The following CFTR variants were observed in gnomAD, a reference collection of about 807,000 sequenced individuals.
CFTR encodes the protein cystic fibrosis transmembrane conductance regulator.
In CFTR, 181 loss-of-function variants were observed where a neutral mutation model predicts 171.6. The ratio of observed to expected loss-of-function variants is 1.05; its 90% CI spans 0.93 to 1.19. CFTR has a LOEUF of 1.19. Ranked by LOEUF, CFTR falls within the 50% of genes most tolerant of loss-of-function variation. The pLI is 0.00. For missense variants in CFTR, 1,968 were observed against 1,734.7 expected, an observed-to-expected ratio of 1.13 and a Z score of -2.39; for synonymous variants, 583 against 608.0, an observed-to-expected ratio of 0.96 and a Z score of 0.60.
Position 117,559,713 on chromosome 7 carries a change from A to T in CFTR, c.1584+58A>T. On this transcript the variant is annotated intron_variant, in intron 11 of 26. Transcript: ENST00000003084. ...CATATGAACCCTTCACACTACCCAA[A>T]TTATATATTTGGCTCCATATTCAAT... is the stretch of plus-strand genomic sequence containing the variant. 4 of 1,177,272 alleles carry T rather than the reference A, an allele frequency of 3.4e-6. No homozygotes were observed. The South Asian group carries it at 4.9e-5, about 15-fold the overall frequency. 72.9% of individuals were successfully genotyped at this position (1,177,272 alleles called of 1,614,324 possible).
At chr7:117,571,959 G>A (rs573694324) in intron 11 of CFTR, among the ~76,000 whole-genome samples, 8 of 151,888 alleles carry the variant, frequency 5.3e-5, no homozygotes, top group Non-Finnish European at 1.2e-4. Flanking sequence ...TATATATTTG[G>A]TCAGTTCCTA....
At chr7:117,579,815 A>T (rs527950422) in intron 11 of CFTR, among the ~76,000 whole-genome samples, 5 of 151,884 alleles carry the variant, frequency 3.3e-5, no homozygotes, top group East Asian at 1.9e-4. Flanking sequence ...TGCTAAATGA[A>T]TTCAGTATAA....
intron 10 of CFTR, among the ~76,000 whole-genome samples, chr7:117,558,954 ACTATCAT>A (rs1799407488): frequency 6.6e-6 from 1 of 152,138 alleles, no homozygotes; most frequent in Non-Finnish European, 1.5e-5. Flanking sequence ...GTCCTTTTGT[ACTATCAT>A]CTCTTAAATG....
At chr7:117,640,749 A>G (rs1176131228) in intron 22 of CFTR, among the ~76,000 whole-genome samples, 2 of 152,158 alleles carry the variant, frequency 1.3e-5, no homozygotes, top group East Asian at 3.8e-4. Context: ...ATTCCACAAT[A>G]TTTTAAAATT....
intron 15 of CFTR, among the ~76,000 whole-genome samples, chr7:117,596,971 C>T (rs891463169): frequency 5.3e-5 from 8 of 152,124 alleles, no homozygotes; most frequent in African/African-American, 1.2e-4. Context: ...CCTGTCAAAA[C>T]GGACCAATCA....
At chr7:117,502,821 A>G (rs2116633284) in intron 1 of CFTR, among the ~76,000 whole-genome samples, 1 of 152,376 alleles carries the variant, frequency 6.6e-6, no homozygotes, top group African/African-American at 2.4e-5. Flanking sequence ...AAATGCGGAT[A>G]TTGCAAATTA....
At chr7:117,510,886 G>T (rs181580129) in intron 3 of CFTR, among the ~76,000 whole-genome samples, 1 of 151,996 alleles carries the variant, frequency 6.6e-6, no homozygotes, top group East Asian at 1.9e-4. Context: ...TAACTCCATG[G>T]AGCAAAAATT....
At chr7:117,492,636 C>G (rs562664202) in intron 1 of CFTR, among the ~76,000 whole-genome samples, 1 of 152,020 alleles carries the variant, frequency 6.6e-6, no homozygotes, top group African/African-American at 2.4e-5. Flanking sequence ...ATGCTGGGCA[C>G]AGGGGATACA....
chr7:117,591,236 T>G (rs1792018954), intron 13 of CFTR, among the ~76,000 whole-genome samples: 1 of 152,138 alleles, frequency 6.6e-6, no homozygotes, highest in Non-Finnish European at 1.5e-5. Context: ...CAATATAAAC[T>G]TTACTACATT....
intron 1 of CFTR, among the ~76,000 whole-genome samples, chr7:117,488,092 A>G (rs1159545425): frequency 6.6e-6 from 1 of 152,154 alleles, no homozygotes; most frequent in African/African-American, 2.4e-5. Context: ...GACCATTGCT[A>G]TACTTTTTTG....
chr7:117,514,204 C>G (rs1315834926), intron 3 of CFTR, among the ~76,000 whole-genome samples: 1 of 151,514 alleles, frequency 6.6e-6, no homozygotes, highest in African/African-American at 2.4e-5. Flanking sequence ...AAAAAAAAAT[C>G]CAACAACGAG....
chr7:117,658,727 A>C (rs1793219710), intron 24 of CFTR, among the ~76,000 whole-genome samples: 1 of 152,074 alleles, frequency 6.6e-6, no homozygotes, highest in Admixed American at 6.6e-5. Flanking sequence ...CCCACATGTC[A>C]CATCCTGTCA....
In CFTR at chr7:117,652,831, T is replaced by G; in HGVS notation, c.3874-11T>G. 7.7e-7 allele frequency: 1 copy of G among 1,298,028 alleles called. No homozygotes were observed. Among genetic ancestry groups the G allele is most frequent in the Non-Finnish European group, 1.1e-6 (1 of 897,184 alleles). 80.4% of individuals were successfully genotyped at this position (1,298,028 alleles called of 1,614,324 possible). On this transcript the variant is annotated splice_polypyrimidine_tract_variant and intron_variant, in intron 23 of 26. Transcript: ENST00000003084. Reference sequence around the variant, plus strand: ...ATTCATACTTTCTTCTTCTTTTCTTTTTTGCTATAGAAAGTATTTATTTTT... The same window carrying G: ...ATTCATACTTTCTTCTTCTTTTCTTGTTTGCTATAGAAAGTATTTATTTTT...
chr7:117,514,249 G>T (rs1477136450), intron 3 of CFTR, among the ~76,000 whole-genome samples: 1 of 151,544 alleles, frequency 6.6e-6, no homozygotes. Flanking sequence ...TGTTACATAG[G>T]TATAATGTGC....
At chr7:117,570,616 C>T (rs1791674857) in intron 11 of CFTR, among the ~76,000 whole-genome samples, 1 of 152,100 alleles carries the variant, frequency 6.6e-6, no homozygotes, top group South Asian at 2.1e-4. Flanking sequence ...ATTGGTGGGA[C>T]CAGCAATACA....
intron 10 of CFTR, among the ~76,000 whole-genome samples, chr7:117,550,178 C>T (rs1317296006): frequency 6.6e-6 from 1 of 151,828 alleles, no homozygotes; most frequent in Non-Finnish European, 1.5e-5. Context: ...CTACAAAAAA[C>T]ACAAACAAAA....
chr7:117,536,850 G>A (rs1190906876), intron 7 of CFTR, among the ~76,000 whole-genome samples, 177 bp downstream of exon 7: 2 of 152,106 alleles, frequency 1.3e-5, no homozygotes, highest in African/African-American at 2.4e-5. Context: ...ATGGGCTGTA[G>A]TTTTATGTAG....
chr7:117,557,694 T>C (rs1799383110), intron 10 of CFTR, among the ~76,000 whole-genome samples: 1 of 152,166 alleles, frequency 6.6e-6, no homozygotes, highest in Admixed American at 6.5e-5. Flanking sequence ...TGTTTCTTTG[T>C]TTGTATTTAC....
chr7:117,510,322 C>T (rs1798494445), intron 3 of CFTR, among the ~76,000 whole-genome samples: 1 of 152,124 alleles, frequency 6.6e-6, no homozygotes, highest in African/African-American at 2.4e-5. Flanking sequence ...TTATTCACAG[C>T]TTCTGATTCT....
Sources: allele counts gnomAD v4.1 joint callset (sites outside exome capture counted in the v4.1 genomes callset), GRCh38; gene constraint gnomAD v4.1.1; transcripts MANE v1.5; gene names NCBI Gene and HGNC (gene_info 2026-07-23, HGNC 2026-07-21).